The following SLC45A2 variants were observed in gnomAD, a reference collection of about 807,000 sequenced individuals.
SLC45A2 encodes solute carrier family 45 member 2, also known as membrane-associated transporter protein.
A neutral mutation model predicts 45.5 loss-of-function variants in SLC45A2; 36 were observed. The observed-to-expected ratio is 0.79, with a 90% CI of 0.61 to 1.04. The LOEUF is 1.04. Ranked by LOEUF, SLC45A2 falls within the 50% of genes least tolerant of loss-of-function variation. The probability of loss-of-function intolerance (pLI) is 0.00; values close to 1 mark genes in which losing one functional copy is unlikely to be tolerated. For synonymous variants in SLC45A2, 306 were observed against 269.3 expected (o/e 1.14, Z -1.33); for missense variants, 719 against 671.0 (o/e 1.07, Z -0.79).
chr5:33,980,555 G>T (rs1362982806), intron 2 of SLC45A2, among the ~76,000 whole-genome samples: 1 of 152,180 alleles, frequency 6.6e-6, no homozygotes, highest in Non-Finnish European at 1.5e-5. Context: ...ATCATACATG[G>T]GGTATTTGAG....
At chr5:33,945,015 C>A (rs542959171) in intron 6 of SLC45A2, 143 bp from the exon 7 acceptor site, 3 of 797,306 alleles carry the variant, frequency 3.8e-6, no homozygotes, top group African/African-American at 1.7e-5. Context: ...AACTACTCAA[C>A]TCTGCTGCTG....
At chr5:33,950,053 C>T (rs1752052001) in intron 5 of SLC45A2, among the ~76,000 whole-genome samples, 4 of 151,828 alleles carry the variant, frequency 2.6e-5, no homozygotes, top group Non-Finnish European at 5.9e-5. Flanking sequence ...ATTAATAAGC[C>T]AGGCACAGTG....
rs747807580 is a variant in SLC45A2 at position 33,944,636 on chromosome 5, C to T, written c.*12G>A. 1.9e-6 allele frequency: 3 copies of T among 1,613,092 alleles called. No homozygotes were observed. In the South Asian group the frequency reaches 3.3e-5, roughly 18 times the overall value. On this transcript the variant is annotated 3_prime_UTR_variant, in exon 7 of 7. Coordinates refer to ENST00000296589, the MANE Select transcript of SLC45A2 (RefSeq NM_016180.5). ...CTGTCTCTGAGGTTAGGGTCATTGT[C>T]TCTTTATTGACCTAATCCACATATC...
Position 33,954,440 on chromosome 5 carries a change from C to A in SLC45A2, c.953G>T (p.Arg318Leu), listed in dbSNP as rs142299109. 1.2e-4 allele frequency: 194 copies of A among 1,614,022 alleles called. 2 individuals are homozygous for A. In the Admixed American group the frequency reaches 3.1e-3, roughly 26 times the overall value. The change falls in exon 4 of 7, where the codon CGC (arginine) becomes CTC (leucine). Residue 318 changes from arginine (R) to leucine (L), a missense_variant. Coordinates refer to ENST00000296589, the MANE Select transcript of SLC45A2 (RefSeq NM_016180.5). Reference sequence around the variant, plus strand: ...AATGAGGTGGCTGATGCAAAGGTAGCGGTAGTGAGGAGGCATGTTCACCAG... The same window carrying A: ...AATGAGGTGGCTGATGCAAAGGTAGAGGTAGTGAGGAGGCATGTTCACCAG... ...RALVNMPPHY[R>L]YLCISHLIGW...
chr5:33,954,185 G>A (rs1752200139), intron 4 of SLC45A2, among the ~76,000 whole-genome samples, 176 bp downstream of exon 4: 3 of 152,188 alleles, frequency 2.0e-5, no homozygotes, highest in Admixed American at 2.0e-4. Context: ...GTGTCCTCTA[G>A]TTGTCCAGGG....
At chr5:33,981,943 C>G (rs940702183) in intron 2 of SLC45A2, among the ~76,000 whole-genome samples, 1 of 152,216 alleles carries the variant, frequency 6.6e-6, no homozygotes, top group Non-Finnish European at 1.5e-5. Flanking sequence ...AGATCCTCTG[C>G]TCTAATGCAA....
intron 2 of SLC45A2, among the ~76,000 whole-genome samples, chr5:33,970,520 C>A (rs1752747816): frequency 6.6e-6 from 1 of 152,184 alleles, no homozygotes; most frequent in Admixed American, 6.5e-5. Context: ...GGAATCCAGA[C>A]TAACTCATGA....
intron 2 of SLC45A2, among the ~76,000 whole-genome samples, chr5:33,977,924 CG>C (rs1197442481): frequency 6.6e-6 from 1 of 152,164 alleles, no homozygotes; most frequent in Non-Finnish European, 1.5e-5. Flanking sequence ...GTCCTGATCA[CG>C]GCTGGCTTTT....
chr5:33,976,400 A>G (rs1752930281), intron 2 of SLC45A2, among the ~76,000 whole-genome samples: 1 of 152,238 alleles, frequency 6.6e-6, no homozygotes, highest in Non-Finnish European at 1.5e-5. Context: ...ATGATTAGAA[A>G]TGTATTCAAA....
intron 4 of SLC45A2, among the ~76,000 whole-genome samples, chr5:33,953,142 C>T (rs1408280987): frequency 7.4e-5 from 11 of 148,728 alleles, no homozygotes; most frequent in East Asian, 3.9e-4. Context: ...TGAATAGTGC[C>T]GCAGTAAACA....
chr5:33,966,145 G>C (rs1220371070), intron 2 of SLC45A2, among the ~76,000 whole-genome samples: 1 of 152,124 alleles, frequency 6.6e-6, no homozygotes, highest in East Asian at 1.9e-4. Context: ...GCAATGGAAT[G>C]GTAGTTTTAT....
chr5:33,963,829 G>A lies in SLC45A2; in HGVS notation c.750C>T (p.Pro250=). 6.2e-7 allele frequency: 1 copy of A among 1,614,132 alleles called. No homozygotes were observed. The highest frequency in any genetic ancestry group is 8.5e-7 in the Non-Finnish European group (1 of 1,180,022). ...GAGGGTCCTGAGGGGTTTGCTGTGG[G>A]GGAATGCCCTTTGCAACCTCTGTAA... ...APLTEVAKGI[P]PQQTPQDPPL... Residue 250 remains proline, a synonymous_variant, in exon 3 of 7, where the codon CCC becomes CCT. Transcript: ENST00000296589.
At chr5:33,984,110 G>GA in intron 1 of SLC45A2, 89 bp downstream of exon 1, 2 of 1,576,294 alleles carry the variant, frequency 1.3e-6, no homozygotes, top group Non-Finnish European at 1.7e-6. Context: ...AAATTTCTAG[G>GA]AAAGGTCAAA....
intron 3 of SLC45A2, among the ~76,000 whole-genome samples, chr5:33,961,040 G>C (rs1158338506): frequency 6.6e-6 from 1 of 152,090 alleles, no homozygotes; most frequent in African/African-American, 2.4e-5. Flanking sequence ...GTAGAACAAG[G>C]GCTGTGGTGT....
chr5:33,969,682 T>A (rs1386735411), intron 2 of SLC45A2, among the ~76,000 whole-genome samples: 1 of 152,164 alleles, frequency 6.6e-6, no homozygotes, highest in Non-Finnish European at 1.5e-5. Flanking sequence ...GCATTCATGA[T>A]GGGTGCACAC....
intron 3 of SLC45A2, among the ~76,000 whole-genome samples, chr5:33,956,465 G>A (rs1284885578): frequency 1.3e-5 from 2 of 151,984 alleles, no homozygotes; most frequent in East Asian, 1.9e-4. Flanking sequence ...GTTTTTTTGG[G>A]GATGCTCAGG....
intron 3 of SLC45A2, among the ~76,000 whole-genome samples, chr5:33,957,128 T>A (rs1307494323): frequency 3.9e-5 from 6 of 152,146 alleles, no homozygotes; most frequent in African/African-American, 1.4e-4. Flanking sequence ...ATACAAAAAA[T>A]GATAATAGCT....
intron 1 of SLC45A2, 36 bp downstream of exon 1, chr5:33,984,163 A>G: frequency 3.1e-6 from 5 of 1,612,846 alleles, no homozygotes; most frequent in Non-Finnish European, 4.2e-6. Context: ...ACTAAGACAC[A>G]TATCCCTGTC....
Position 33,963,825 on chromosome 5 carries a change from G to A in SLC45A2, c.754C>T (p.Gln252Ter). 1 of 1,614,154 alleles carries A rather than the reference G, an allele frequency of 6.2e-7. No individual in the cohort carries two copies. Among genetic ancestry groups the A allele is most frequent in the Non-Finnish European group, 8.5e-7 (1 of 1,180,030 alleles). ...LTEVAKGIPP[Q>*]QTPQDPPLSS... ...AATGGAGGGTCCTGAGGGGTTTGCT[G>A]TGGGGGAATGCCCTTTGCAACCTCT... Residue 252 changes from glutamine (Q) to a stop codon, truncating the protein, a stop_gained, in exon 3 of 7, where the codon CAG becomes TAG. Transcript: ENST00000296589. LOFTEE classifies it high-confidence loss of function.
Sources: gnomAD v4.1 joint callset for allele counts (sites outside exome capture counted in the v4.1 genomes callset) on GRCh38, gnomAD v4.1.1 for gene constraint, MANE v1.5 for transcripts, NCBI Gene and HGNC (gene_info 2026-07-23, HGNC 2026-07-21) for gene names.